The following CCSER1 variants were observed in gnomAD, a reference collection of about 807,000 sequenced individuals.
CCSER1 encodes the protein serine-rich coiled-coil domain-containing protein 1.
In CCSER1, 41 loss-of-function variants were observed where a neutral mutation model predicts 82.0. That is an observed-to-expected ratio of 0.50 (90% confidence interval 0.39 to 0.65). The LOEUF (loss-of-function observed/expected upper bound fraction) is 0.65. CCSER1 is among the 30% of genes least tolerant of loss of function. CCSER1 has a pLI of 0.00. For missense variants in CCSER1, 1,119 were observed against 1,064.2 expected, an observed-to-expected ratio of 1.05 and a Z score of -0.72; for synonymous variants, 414 against 383.9, an observed-to-expected ratio of 1.08 and a Z score of -0.92.
chr4:90,228,313 C>A (rs951643486), intron 1 of CCSER1, among the ~76,000 whole-genome samples: 2 of 152,086 alleles, frequency 1.3e-5, no homozygotes, highest in Non-Finnish European at 2.9e-5. Context: ...GGGTCCCTGA[C>A]CCCTGACCCC....
At chr4:90,221,160 A>G (rs1391789208) in intron 1 of CCSER1, among the ~76,000 whole-genome samples, 6 of 152,188 alleles carry the variant, frequency 3.9e-5, no homozygotes, top group African/African-American at 1.4e-4. Flanking sequence ...AGGCAATAGA[A>G]TACGTAAAAT....
intron 5 of CCSER1, among the ~76,000 whole-genome samples, chr4:90,550,935 C>T (rs1777398431): frequency 6.6e-6 from 1 of 152,032 alleles, no homozygotes. Context: ...TTCATGCTAC[C>T]GTCATTCTGA....
At chr4:90,364,608 A>C (rs556888235) in intron 3 of CCSER1, among the ~76,000 whole-genome samples, 1 of 152,040 alleles carries the variant, frequency 6.6e-6, no homozygotes, top group Non-Finnish European at 1.5e-5. Context: ...ATATTTAAAA[A>C]TATGTAGTCA....
At chr4:91,103,463 G>A (rs1336554362) in intron 10 of CCSER1, among the ~76,000 whole-genome samples, 1 of 152,100 alleles carries the variant, frequency 6.6e-6, no homozygotes, top group African/African-American at 2.4e-5. Context: ...GAAACATTGT[G>A]TTGTCAAACT....
chr4:91,401,515 A>G (rs1376324207), intron 10 of CCSER1, among the ~76,000 whole-genome samples: 1 of 151,936 alleles, frequency 6.6e-6, no homozygotes, highest in Non-Finnish European at 1.5e-5. Context: ...CGTCATTTAA[A>G]TTAGGTATAT....
chr4:90,527,799 T>C (rs1773980416), intron 5 of CCSER1, among the ~76,000 whole-genome samples: 1 of 152,174 alleles, frequency 6.6e-6, no homozygotes, highest in South Asian at 2.1e-4. Context: ...TTAAATTTTG[T>C]AGCTATTATA....
At position 90,350,023 on chromosome 4, in the gene CCSER1, A is replaced by G. The variant is rs575185085; in HGVS notation, c.1509+36976A>G. ...TACTTTTAGCCCTGGAAATACAGGAATGATGCCATTTCAAAAATGTTTAAA... is the reference window on the plus strand; with the variant it reads ...TACTTTTAGCCCTGGAAATACAGGAGTGATGCCATTTCAAAAATGTTTAAA... On this transcript the variant is annotated intron_variant, in intron 3 of 10. Transcript: ENST00000509176. 2.8e-4 allele frequency among the ~76,000 whole-genome samples: 43 copies of G among 152,282 alleles called. 1 individual carries two copies. In the South Asian group the frequency reaches 8.9e-3, roughly 32 times the overall value.
At chr4:90,411,054 A>AT (rs1232512927) in intron 4 of CCSER1, among the ~76,000 whole-genome samples, 1 of 152,168 alleles carries the variant, frequency 6.6e-6, no homozygotes, top group East Asian at 1.9e-4. Flanking sequence ...GGACACATAC[A>AT]CCTCCTAAGG....
intron 8 of CCSER1, among the ~76,000 whole-genome samples, chr4:90,856,851 C>T (rs1459499143): frequency 6.6e-6 from 1 of 151,690 alleles, no homozygotes; most frequent in African/African-American, 2.4e-5. Flanking sequence ...TCAGTGTGAA[C>T]TTCCAAATCT....
At chr4:90,713,614 A>G (rs1389728068) in intron 6 of CCSER1, among the ~76,000 whole-genome samples, 1 of 151,362 alleles carries the variant, frequency 6.6e-6, no homozygotes, top group Non-Finnish European at 1.5e-5. Flanking sequence ...TCTGATGGCT[A>G]TGTGTCTTGG....
intron 1 of CCSER1, among the ~76,000 whole-genome samples, chr4:90,134,972 A>T (rs913026564): frequency 2.0e-5 from 3 of 152,216 alleles, no homozygotes; most frequent in African/African-American, 7.2e-5. Context: ...CCATGAATAA[A>T]ACTAGATTAA....
chr4:90,287,956 C>A (rs1259105883), intron 1 of CCSER1, among the ~76,000 whole-genome samples: 2 of 150,434 alleles, frequency 1.3e-5, no homozygotes, highest in African/African-American at 2.5e-5. Flanking sequence ...CAAAAACCAA[C>A]TGAACAACAA....
chr4:90,286,691 T>C (rs1483465206), intron 1 of CCSER1, among the ~76,000 whole-genome samples: 1 of 152,054 alleles, frequency 6.6e-6, no homozygotes, highest in East Asian at 1.9e-4. Context: ...GAAAAATTCA[T>C]ACACTTAACA....
At chr4:91,558,255 G>A (rs1762494064) in intron 10 of CCSER1, among the ~76,000 whole-genome samples, 3 of 150,004 alleles carry the variant, frequency 2.0e-5, no homozygotes, top group Admixed American at 2.0e-4. Context: ...TGTATTATTG[G>A]TTCCCATGTT....
chr4:91,418,126 G>T (rs1424228950), intron 10 of CCSER1, among the ~76,000 whole-genome samples: 1 of 151,734 alleles, frequency 6.6e-6, no homozygotes, highest in African/African-American at 2.4e-5. Context: ...TACATTTAGA[G>T]AAAAGAAAGA....
intron 9 of CCSER1, among the ~76,000 whole-genome samples, chr4:90,955,783 T>G (rs939148736): frequency 6.6e-6 from 1 of 152,130 alleles, no homozygotes. Context: ...ACTAGCTGTT[T>G]CCTCCCTCTG....
chr4:90,854,558 C>CTT (rs1232344452), intron 8 of CCSER1, among the ~76,000 whole-genome samples: 4 of 152,146 alleles, frequency 2.6e-5, no homozygotes, highest in African/African-American at 7.2e-5. Context: ...GGCTAAGACA[C>CTT]TTCCCTGAGT....
chr4:90,636,448 T>C (rs1324199276), intron 6 of CCSER1, among the ~76,000 whole-genome samples: 1 of 151,974 alleles, frequency 6.6e-6, no homozygotes, highest in Non-Finnish European at 1.5e-5. Flanking sequence ...ATTACAGAAT[T>C]TTTTTATAAA....
In CCSER1 at chr4:90,381,184, A is replaced by G. The variant is rs772550639; in HGVS notation, c.1510-18852A>G. Among the ~76,000 whole-genome samples the G allele has an allele frequency of 8.1e-4, 123 of 152,364 alleles. 3 individuals carry two copies. The highest frequency in any genetic ancestry group is 7.8e-4 in the Admixed American group (12 of 15,292). On this transcript the variant is annotated intron_variant, in intron 3 of 10. Transcript: ENST00000509176. ...GGGAAACCAGTGCTGATCGTGCCCC[A>G]CTACCCACCCTTGTGATAATTAATA...
Sources: gnomAD v4.1 joint callset for allele counts (sites outside exome capture counted in the v4.1 genomes callset) on GRCh38, gnomAD v4.1.1 for gene constraint, MANE v1.5 for transcripts, NCBI Gene and HGNC (gene_info 2026-07-23, HGNC 2026-07-21) for gene names.